The following PPP1R1C variants were observed in gnomAD, a reference collection of about 807,000 sequenced individuals.
PPP1R1C encodes protein phosphatase 1 regulatory inhibitor subunit 1C.
A neutral mutation model predicts 17.4 loss-of-function variants in PPP1R1C; 15 were observed. That is an observed-to-expected ratio of 0.86 (90% CI 0.58 to 1.33). The LOEUF (loss-of-function observed/expected upper bound fraction) is 1.33. Among genes scored for constraint, PPP1R1C ranks in the 40% most tolerant of loss-of-function variants. The probability of loss-of-function intolerance (pLI) is 0.00; values close to 1 mark genes in which losing one functional copy is unlikely to be tolerated. For synonymous variants in PPP1R1C, 35 were observed against 43.1 expected, an observed-to-expected ratio of 0.81 and a Z score of 0.73; for missense variants, 143 against 130.0, an observed-to-expected ratio of 1.10 and a Z score of -0.48.
At chr2:182,079,717 A>G (rs923173844) in intron 4 of PPP1R1C, among the ~76,000 whole-genome samples, 3 of 152,198 alleles carry the variant, frequency 2.0e-5, no homozygotes, top group Admixed American at 6.5e-5. Flanking sequence ...TAGATGTCTA[A>G]AAACCAAGGT....
chr2:182,104,440 C>G (rs1484201345), intron 4 of PPP1R1C, among the ~76,000 whole-genome samples: 1 of 152,084 alleles, frequency 6.6e-6, no homozygotes, highest in South Asian at 2.1e-4. Context: ...TTTTCTGCAC[C>G]TATTGAGGTG....
At chr2:182,027,954 C>T (rs1360029791) in intron 2 of PPP1R1C, among the ~76,000 whole-genome samples, 2 of 129,680 alleles carry the variant, frequency 1.5e-5, no homozygotes, top group African/African-American at 2.9e-5. Flanking sequence ...GTGTATGTGT[C>T]GAGGAATTTA....
At chr2:182,057,188 G>GA (rs1306421402) in intron 2 of PPP1R1C, among the ~76,000 whole-genome samples, 3 of 152,114 alleles carry the variant, frequency 2.0e-5, no homozygotes, top group Non-Finnish European at 4.4e-5. Flanking sequence ...CAGAGATGTG[G>GA]AAAAATCAAA....
At chr2:182,046,999 C>T (rs937826881) in intron 2 of PPP1R1C, among the ~76,000 whole-genome samples, 2 of 152,154 alleles carry the variant, frequency 1.3e-5, no homozygotes, top group African/African-American at 4.8e-5. Flanking sequence ...AAAAAGAGAA[C>T]TAAATATTTC....
chr2:182,119,898 GT>G (rs1387274614), downstream of PPP1R1C, among the ~76,000 whole-genome samples: 1 of 152,056 alleles, frequency 6.6e-6, no homozygotes. Flanking sequence ...TGTGCAGAAG[GT>G]CTTTAGTTTA....
chr2:182,109,564 G>A (rs535246701), intron 4 of PPP1R1C, among the ~76,000 whole-genome samples: 115 of 152,192 alleles, frequency 7.6e-4, no homozygotes, highest in Non-Finnish European at 6.6e-4. Context: ...TTTGCATGTG[G>A]ATGTCCAGTT....
At chr2:181,994,677 A>C (rs1234324132) in intron 2 of PPP1R1C, among the ~76,000 whole-genome samples, 1 of 152,142 alleles carries the variant, frequency 6.6e-6, no homozygotes, top group Non-Finnish European at 1.5e-5. Flanking sequence ...TGGTTTATAC[A>C]TTCAATTCAA....
In PPP1R1C at chr2:181,962,221, G is replaced by T; in HGVS notation, n.111+7587G>T. ...GGTAGGAGGCCAGACGGTCATTCAG[G>T]CTTTGCATTGTCTCCTTCTTATTCT... On this transcript the variant is annotated intron_variant and non_coding_transcript_variant, in intron 1 of 5. Coordinates refer to the PPP1R1C transcript ENST00000464264. This position sits in a 1 kb window ranked among gnomAD's most constrained non-coding sequence, Gnocchi z 6.0. 1.4e-6 allele frequency: 1 copy of T among 734,538 alleles called. No individual in the cohort carries two copies. Among genetic ancestry groups the T allele is most frequent in the South Asian group, 1.4e-5 (1 of 71,652 alleles). 45.5% of individuals were successfully genotyped at this position (734,538 alleles called of 1,614,324 possible). A position where few individuals can be genotyped will look rare whatever the true frequency, so the allele number is the denominator to read the frequency against.
intron 2 of PPP1R1C, among the ~76,000 whole-genome samples, chr2:181,994,282 AT>A (rs1306431540): frequency 6.6e-6 from 1 of 152,156 alleles, no homozygotes. Flanking sequence ...TGAAATTCAT[AT>A]TCCAACAGTA....
chr2:181,993,144 G>T (rs1408654272), intron 2 of PPP1R1C, among the ~76,000 whole-genome samples: 1 of 152,146 alleles, frequency 6.6e-6, no homozygotes, highest in Non-Finnish European at 1.5e-5. Flanking sequence ...TGTTCAAAAC[G>T]CAAGGGGGCT....
At chr2:182,050,828 C>T (rs992517309) in intron 2 of PPP1R1C, among the ~76,000 whole-genome samples, 6 of 152,168 alleles carry the variant, frequency 3.9e-5, no homozygotes, top group Non-Finnish European at 8.8e-5. Flanking sequence ...TTTTCCACTT[C>T]ATTTATTAAT....
chr2:182,003,096 C>A (rs1685820160), intron 2 of PPP1R1C, among the ~76,000 whole-genome samples: 1 of 152,026 alleles, frequency 6.6e-6, no homozygotes, highest in Non-Finnish European at 1.5e-5. Context: ...GGGAAATGGG[C>A]CCACTGAATT....
chr2:182,063,114 A>G (rs539913155), intron 3 of PPP1R1C, among the ~76,000 whole-genome samples: 1 of 152,182 alleles, frequency 6.6e-6, no homozygotes, highest in African/African-American at 2.4e-5. Context: ...AATCTCTTCA[A>G]TAACTTTATC....
chr2:181,975,880 A>C (rs1685084537), intron 2 of PPP1R1C, among the ~76,000 whole-genome samples: 1 of 152,088 alleles, frequency 6.6e-6, no homozygotes. Context: ...GATCTCATCC[A>C]AAGTAGCTTG....
downstream of PPP1R1C, chr2:182,130,851 A>T (rs1041005324): frequency 1.3e-5 from 2 of 152,208 alleles, no homozygotes; most frequent in African/African-American, 4.8e-5. Flanking sequence ...ATAGTTTAAA[A>T]ATTAAAATGA....
intron 1 of PPP1R1C, among the ~76,000 whole-genome samples, chr2:181,968,868 T>G (rs1270759840): frequency 1.3e-5 from 2 of 152,156 alleles, no homozygotes; most frequent in Non-Finnish European, 2.9e-5. Context: ...ATCTGTTGTA[T>G]GTTTTTTGAT....
At chr2:182,061,760 A>T (rs1182236292) in intron 3 of PPP1R1C, among the ~76,000 whole-genome samples, 1 of 152,062 alleles carries the variant, frequency 6.6e-6, no homozygotes, top group East Asian at 1.9e-4. Flanking sequence ...TTGAGTGATT[A>T]TATATGCACA....
At chr2:182,124,558 C>T (rs1349805328) in intron 5 of PPP1R1C, among the ~76,000 whole-genome samples, 2 of 151,712 alleles carry the variant, frequency 1.3e-5, no homozygotes, top group African/African-American at 4.8e-5. Flanking sequence ...TTGTTTGTGT[C>T]CTCTCTTATT....
intron 4 of PPP1R1C, among the ~76,000 whole-genome samples, chr2:182,096,912 C>T (rs538272254): frequency 6.6e-6 from 1 of 152,204 alleles, no homozygotes; most frequent in Non-Finnish European, 1.5e-5. Context: ...CAAGAAACAG[C>T]TGACAATTTC....
Sources: gnomAD v4.1 joint callset for allele counts (sites outside exome capture counted in the v4.1 genomes callset) on GRCh38, gnomAD v4.1.1 for gene constraint, Gnocchi (gnomAD v3.1) non-coding constraint, MANE v1.5 for transcripts, NCBI Gene and HGNC (gene_info 2026-07-23, HGNC 2026-07-21) for gene names.